PPAT: variants seen among roughly 807,000 people sequenced by gnomAD.
The protein encoded by PPAT is phosphoribosyl pyrophosphate amidotransferase.
In PPAT, 20 loss-of-function variants were observed where a neutral mutation model predicts 60.2. The observed-to-expected ratio is 0.33, with a 90% CI of 0.23 to 0.48. The LOEUF is 0.48. Among genes scored for constraint, PPAT ranks in the 20% least tolerant of loss-of-function variants. The pLI is 0.99. For missense variants in PPAT, 349 were observed against 629.6 expected, an observed-to-expected ratio of 0.55 and a Z score of 4.77; for synonymous variants, 194 against 215.1, an observed-to-expected ratio of 0.90 and a Z score of 0.86.
Position 56,396,727 on chromosome 4 carries a change from C to T in PPAT, c.1249G>A (p.Val417Ile). ...ESGAKEVHIR[V>I]ASPPIKYPCF... is the part of the protein sequence containing the mutation. ...GGATATTTAATTGGTGGTGAAGCTA[C>T]TCGAATGTGTACCTTGGAAAGAAAT... The change falls in exon 10 of 11, where the codon GTA becomes ATA. Residue 417 changes from valine to isoleucine, a missense_variant. This residue lies in a region of PPAT where 167 missense variants were observed against 328.6 expected (regional missense o/e 0.51). Coordinates refer to ENST00000264220, the MANE Select transcript of PPAT (RefSeq NM_002703.5). The surrounding 1 kb of genome is among the most constrained non-coding windows in gnomAD (Gnocchi z 4.6). 6.2e-7 allele frequency: 1 copy of T among 1,612,320 alleles called. No homozygotes were observed. The highest frequency in any genetic ancestry group is 8.5e-7 in the Non-Finnish European group (1 of 1,179,126).
chr4:56,426,401 CAA>C (rs113640946), intron 1 of PPAT, among the ~76,000 whole-genome samples: 1 of 140,164 alleles, frequency 7.1e-6, no homozygotes. Context: ...GACTCTGTCT[CAA>C]AAAAAAAAAA....
At chr4:56,402,923 C>T (rs1716152612) in intron 5 of PPAT, 117 bp downstream of exon 5, 7 of 724,276 alleles carry the variant, frequency 9.7e-6, no homozygotes, top group South Asian at 6.8e-5. Context: ...TTTTATTTTT[C>T]TTACCTAGCT....
intron 1 of PPAT, among the ~76,000 whole-genome samples, chr4:56,428,789 C>A (rs1717426345): frequency 6.6e-6 from 1 of 152,116 alleles, no homozygotes; most frequent in African/African-American, 2.4e-5. Context: ...TTTTTCTAAA[C>A]CTTGTACCAA....
At chr4:56,420,050 T>C (rs1044259077) in intron 1 of PPAT, 1 of 964,966 alleles carries the variant, frequency 1.0e-6, no homozygotes, top group Non-Finnish European at 1.2e-6. Context: ...ACCAGACAGG[T>C]AGGAAGGTGA....
intron 1 of PPAT, chr4:56,408,454 GAC>G (rs1716304487): frequency 9.8e-6 from 1 of 101,644 alleles, no homozygotes; most frequent in Non-Finnish European, 2.0e-5. Flanking sequence ...AAAAAAAAAA[GAC>G]ATCAGAAACA....
At chr4:56,412,247 T>C (rs527332218) in intron 1 of PPAT, among the ~76,000 whole-genome samples, 1 of 151,718 alleles carries the variant, frequency 6.6e-6, no homozygotes, top group South Asian at 2.1e-4. Context: ...ACAACATAAC[T>C]ATGCACGTTT....
At chr4:56,409,806 T>A (rs192055138) in intron 1 of PPAT, among the ~76,000 whole-genome samples, 1 of 152,378 alleles carries the variant, frequency 6.6e-6, no homozygotes, top group Admixed American at 6.5e-5. Flanking sequence ...TAGTAGCTGT[T>A]AATACATTGA....
intron 1 of PPAT, among the ~76,000 whole-genome samples, chr4:56,412,478 T>A (rs962141094): frequency 6.6e-6 from 1 of 152,088 alleles, no homozygotes; most frequent in Non-Finnish European, 1.5e-5. Context: ...CCTGGCTAAT[T>A]TTTTGTGGGA....
intron 3 of PPAT, among the ~76,000 whole-genome samples, 194 bp from the exon 4 acceptor site, chr4:56,403,595 A>AC (rs1309045332): frequency 6.6e-6 from 1 of 152,144 alleles, no homozygotes; most frequent in East Asian, 1.9e-4. Context: ...TTTTCCATGG[A>AC]CCAGGGACAG....
intron 1 of PPAT, among the ~76,000 whole-genome samples, chr4:56,412,763 C>A (rs895522786): frequency 1.3e-5 from 2 of 152,120 alleles, no homozygotes; most frequent in African/African-American, 4.8e-5. Flanking sequence ...TATGACTAAC[C>A]AGAACTTCAT....
chr4:56,404,554 G>C (rs1438568138), intron 3 of PPAT, among the ~76,000 whole-genome samples: 1 of 151,582 alleles, frequency 6.6e-6, no homozygotes, highest in Admixed American at 6.6e-5. Flanking sequence ...TTTCAGTAGG[G>C]AGCTAAAGGT....
At chr4:56,395,901 C>G (rs959797879) in intron 10 of PPAT, among the ~76,000 whole-genome samples, 7 of 152,028 alleles carry the variant, frequency 4.6e-5, no homozygotes, top group African/African-American at 1.7e-4. Context: ...TTTCCTAAGT[C>G]TATTTTTTCA....
intron 1 of PPAT, chr4:56,431,656 T>C (rs1196351533): frequency 3.6e-6 from 1 of 280,842 alleles, no homozygotes; most frequent in Non-Finnish European, 5.4e-6. Flanking sequence ...GGTTATCTCC[T>C]AATCAAGGAA....
intron 9 of PPAT, among the ~76,000 whole-genome samples, chr4:56,398,892 A>G (rs750142732): frequency 2.0e-5 from 3 of 151,732 alleles, no homozygotes; most frequent in Non-Finnish European, 2.9e-5. Context: ...GGCTCAAGCA[A>G]CCTCCTACCT....
chr4:56,399,454 T>C (rs1716059948), intron 8 of PPAT, 54 bp from the exon 9 acceptor site: 1 of 1,316,190 alleles, frequency 7.6e-7, no homozygotes, highest in Non-Finnish European at 1.1e-6. Context: ...AATAGGCAAA[T>C]ATTTTCTCTA....
At chr4:56,408,013 A>G (rs757369353) in intron 1 of PPAT, 129 of 288,842 alleles carry the variant, frequency 4.5e-4, no homozygotes, top group Non-Finnish European at 4.6e-4. Flanking sequence ...AACCCCAAAT[A>G]TACTTTAGGC....
chr4:56,399,905 A>G (rs1716070784), intron 8 of PPAT: 1 of 152,708 alleles, frequency 6.5e-6, no homozygotes, highest in African/African-American at 2.4e-5. Context: ...CTACAGTTAC[A>G]CCATCTACCT....
intron 1 of PPAT, chr4:56,431,470 T>G: frequency 1.0e-6 from 1 of 976,282 alleles, no homozygotes; most frequent in South Asian, 4.7e-5. Context: ...TCATTACAAA[T>G]CAGTTTCCTC....
At chr4:56,425,651 T>C (rs1334338346) in intron 1 of PPAT, among the ~76,000 whole-genome samples, 4 of 152,186 alleles carry the variant, frequency 2.6e-5, no homozygotes, top group East Asian at 1.9e-4. Flanking sequence ...GGCATCTTTG[T>C]TGTGTTAATG....
Sources: allele counts gnomAD v4.1 joint callset (sites outside exome capture counted in the v4.1 genomes callset), GRCh38; gene constraint gnomAD v4.1.1; regional missense constraint gnomAD v4.1.1; non-coding constraint Gnocchi (gnomAD v3.1); transcripts MANE v1.5; gene names NCBI Gene and HGNC (gene_info 2026-07-23, HGNC 2026-07-21).